Variants in C2CD5 observed in about 807,000 individuals in gnomAD.
C2CD5 encodes C2 calcium dependent domain containing 5, also known as C2 domain-containing protein 5.
In C2CD5, 109 loss-of-function variants were observed where a neutral mutation model predicts 130.3. The observed-to-expected ratio is 0.84, with a 90% CI of 0.72 to 0.98. The LOEUF (loss-of-function observed/expected upper bound fraction) is 0.98. Among genes scored for constraint, C2CD5 ranks in the 50% least tolerant of loss-of-function variants. The pLI is 0.00. For synonymous variants in C2CD5, 454 were observed against 429.2 expected (o/e 1.06, Z -0.71); for missense variants, 996 against 1,261.8 (o/e 0.79, Z 3.19).
intron 24 of C2CD5, among the ~76,000 whole-genome samples, chr12:22,458,240 A>T (rs1940370739): frequency 6.6e-6 from 1 of 152,188 alleles, no homozygotes; most frequent in Non-Finnish European, 1.5e-5. Flanking sequence ...ATCTATTTAT[A>T]TACTTTTAAG....
intron 25 of C2CD5, among the ~76,000 whole-genome samples, chr12:22,454,853 G>A (rs1263867549): frequency 1.3e-5 from 2 of 152,088 alleles, no homozygotes; most frequent in African/African-American, 2.4e-5. Context: ...CTAACATCTA[G>A]TTCAACAGGT....
chr12:22,492,573 A>C (rs1946488705), intron 11 of C2CD5, among the ~76,000 whole-genome samples: 1 of 152,194 alleles, frequency 6.6e-6, no homozygotes, highest in African/African-American at 2.4e-5. Flanking sequence ...ATCATATGTA[A>C]CTGGAGGAGA....
intron 4 of C2CD5, among the ~76,000 whole-genome samples, chr12:22,527,111 C>T (rs149182063): frequency 1.3e-5 from 2 of 152,114 alleles, no homozygotes; most frequent in Non-Finnish European, 2.9e-5. Context: ...CTTTTAAGTA[C>T]AAAAATCATT....
intron 10 of C2CD5, chr12:22,502,750 C>T (rs1428099104): frequency 7.9e-6 from 12 of 1,526,396 alleles, no homozygotes; most frequent in Non-Finnish European, 1.1e-5. Context: ...TGAATTGAAA[C>T]TATTCCAGTC....
chr12:22,523,440 G>A lies in C2CD5; in HGVS notation c.786C>T (p.Ser262=). Residue 262 remains serine, a synonymous_variant, in exon 7 of 27, where the codon TCC becomes TCT. Transcript: ENST00000446597. ...AAFLPACNSP[S]KEMKEIPFNE... ...TTCATACTTACTCCTTCATTTCTTT[G>A]GATGGGGAATTACATGCAGGAAGGA... 6.2e-7 allele frequency: 1 copy of A among 1,612,680 alleles called. No homozygotes were observed. Among genetic ancestry groups the A allele is most frequent in the Non-Finnish European group, 8.5e-7 (1 of 1,178,830 alleles).
chr12:22,502,925 T>A, intron 10 of C2CD5: 1 of 614,380 alleles, frequency 1.6e-6, no homozygotes. Flanking sequence ...TGGAAAGACA[T>A]AGACAGCAGA....
chr12:22,519,074 G>A, intron 7 of C2CD5: 5 of 1,518,120 alleles, frequency 3.3e-6, no homozygotes, highest in Non-Finnish European at 4.4e-6. Context: ...TCTGCCCGTG[G>A]CCTGCATCTC....
chr12:22,507,035 C>T lies in C2CD5; in HGVS notation c.1039-216G>A, dbSNP rs1294902243. The T allele has an allele frequency of 6.0e-5, 23 of 384,584 alleles. No individual in the cohort carries two copies. In the Admixed American group the frequency reaches 8.3e-4, roughly 14 times the overall value. 23.8% of individuals were successfully genotyped at this position (384,584 alleles called of 1,614,324 possible). A position where few individuals can be genotyped will look rare whatever the true frequency, so the allele number is the denominator to read the frequency against. ...TACAATGTTATACAGAATCCAAAGA[C>T]CCATTTCATCAGTTCTCAATGAAGA... On this transcript the variant is annotated intron_variant, in intron 9 of 26. Coordinates refer to ENST00000446597, the MANE Select transcript of C2CD5 (RefSeq NM_001286176.2).
Position 22,470,826 on chromosome 12 carries a change from C to G in C2CD5, c.2444G>C (p.Arg815Thr), listed in dbSNP as rs756007985. Residue 815 changes from arginine (R) to threonine (T), a missense_variant and splice_region_variant, in exon 21 of 27, where the codon AGA becomes ACA. Around this residue, in one of 9 missense-constraint regions of C2CD5, gnomAD observed 590 missense variants for 631.4 expected, o/e 0.93. Coordinates refer to ENST00000446597, the MANE Select transcript of C2CD5 (RefSeq NM_001286176.2). ...TKTPVEKSLQ[R>T]ASTDNEELLQ... ...CTTCCTATTCAGTAAAGATTTACCT[C>G]TTTGCAATGACTTTTCAACAGGGGT... The G allele has an allele frequency of 4.4e-6, 7 of 1,599,356 alleles. No homozygotes were observed. In the African/African-American group the frequency reaches 9.4e-5, roughly 21 times the overall value.
At chr12:22,503,963 A>C (rs1948139372) in intron 10 of C2CD5, among the ~76,000 whole-genome samples, 1 of 152,214 alleles carries the variant, frequency 6.6e-6, no homozygotes, top group Non-Finnish European at 1.5e-5. Context: ...ATAATCCATT[A>C]ATAACTGAGA....
chr12:22,471,884 A>G, intron 19 of C2CD5, 83 bp downstream of exon 19: 1 of 795,136 alleles, frequency 1.3e-6, no homozygotes, highest in African/African-American at 1.7e-5. Flanking sequence ...TGTGTAAGGT[A>G]TTACAGACAA....
At chr12:22,514,099 C>T (rs1949474977) in intron 8 of C2CD5, among the ~76,000 whole-genome samples, 1 of 152,024 alleles carries the variant, frequency 6.6e-6, no homozygotes, top group African/African-American at 2.4e-5. Context: ...ATTTCTTTCC[C>T]TACCTTATTT....
intron 3 of C2CD5, among the ~76,000 whole-genome samples, chr12:22,533,860 G>T (rs571007067): frequency 1.3e-5 from 2 of 152,274 alleles, no homozygotes; most frequent in East Asian, 3.9e-4. Context: ...CCAAACAACT[G>T]AATTTCTACA....
chr12:22,500,520 T>A, intron 10 of C2CD5, among the ~76,000 whole-genome samples: 1 of 152,188 alleles, frequency 6.6e-6, no homozygotes. Flanking sequence ...ACAGAGTTAA[T>A]CAAGCCTTCT....
chr12:22,524,825 G>T (rs916575936), intron 5 of C2CD5, among the ~76,000 whole-genome samples, 198 bp from the exon 6 acceptor site: 1 of 151,946 alleles, frequency 6.6e-6, no homozygotes, highest in Non-Finnish European at 1.5e-5. Context: ...GTCTTTCATG[G>T]AGGCTCTCAC....
chr12:22,459,797 C>G (rs1039359370), intron 22 of C2CD5, among the ~76,000 whole-genome samples: 2 of 152,134 alleles, frequency 1.3e-5, no homozygotes, highest in African/African-American at 4.8e-5. Flanking sequence ...GTTTCAGAAA[C>G]TTTATAGTCA....
In C2CD5 at chr12:22,544,496, C is replaced by A. The variant is rs764229664; in HGVS notation, c.-206G>T. 8 of 190,766 alleles carry A rather than the reference C, an allele frequency of 4.2e-5. No homozygotes were observed. Among genetic ancestry groups the A allele is most frequent in the Non-Finnish European group, 5.4e-5 (5 of 93,422 alleles). 11.8% of individuals were successfully genotyped at this position (190,766 alleles called of 1,614,324 possible). On this transcript the variant is annotated 5_prime_UTR_variant, in exon 1 of 27. Transcript: ENST00000446597. ...CCGCCCCTGCTTGTCTCTCCTCCCCCGCTCTCAAAAATGGCGGCTCTCGGG... is the reference window on the plus strand; with the variant it reads ...CCGCCCCTGCTTGTCTCTCCTCCCCAGCTCTCAAAAATGGCGGCTCTCGGG...
chr12:22,538,594 TCTC>T (rs1952044911), intron 2 of C2CD5, among the ~76,000 whole-genome samples: 2 of 152,300 alleles, frequency 1.3e-5, no homozygotes, highest in South Asian at 2.1e-4. Context: ...TGTATTGACC[TCTC>T]CTCCTAATTT....
intron 7 of C2CD5, chr12:22,519,286 C>T: frequency 1.4e-5 from 20 of 1,480,280 alleles, no homozygotes; most frequent in Non-Finnish European, 1.8e-5. Flanking sequence ...ACAATACATA[C>T]AACAGATTGC....
Sources: gnomAD v4.1 joint callset for allele counts (sites outside exome capture counted in the v4.1 genomes callset) on GRCh38, gnomAD v4.1.1 for gene constraint, gnomAD v4.1.1 regional missense constraint, MANE v1.5 for transcripts, NCBI Gene and HGNC (gene_info 2026-07-23, HGNC 2026-07-21) for gene names.